ZNF385D: variants seen among roughly 807,000 people sequenced by gnomAD.
ZNF385D encodes zinc finger protein 659.
A neutral mutation model predicts 35.8 loss-of-function variants in ZNF385D; 15 were observed. The observed-to-expected ratio is 0.42, with a 90% CI of 0.28 to 0.64. The LOEUF is 0.64. Ranked by LOEUF, ZNF385D falls within the 30% of genes least tolerant of loss-of-function variation. The probability of loss-of-function intolerance (pLI) is 0.23; values close to 1 mark genes in which losing one functional copy is unlikely to be tolerated. For synonymous variants in ZNF385D, 212 were observed against 186.8 expected, an observed-to-expected ratio of 1.13 and a Z score of -1.10; for missense variants, 474 against 494.6, an observed-to-expected ratio of 0.96 and a Z score of 0.39.
At chr3:22,316,758 C>A (rs1703910625) in intron 2 of ZNF385D, among the ~76,000 whole-genome samples, 1 of 152,136 alleles carries the variant, frequency 6.6e-6, no homozygotes, top group South Asian at 2.1e-4. Flanking sequence ...GCTACCAAGT[C>A]AGCTTTTAGT....
intron 2 of ZNF385D, among the ~76,000 whole-genome samples, chr3:22,372,181 T>G (rs1696940755): frequency 6.6e-6 from 1 of 151,606 alleles, no homozygotes; most frequent in Admixed American, 6.6e-5. Flanking sequence ...CCTGAGACCC[T>G]CCAGCTCCGC....
chr3:21,663,628 T>C (rs1177627746), intron 2 of ZNF385D, among the ~76,000 whole-genome samples: 1 of 151,930 alleles, frequency 6.6e-6, no homozygotes, highest in Non-Finnish European at 1.5e-5. Flanking sequence ...ATGAAACACC[T>C]AGGATTAGAA....
intron 3 of ZNF385D, among the ~76,000 whole-genome samples, chr3:22,149,845 G>C (rs1388912173): frequency 6.6e-6 from 1 of 151,286 alleles, no homozygotes; most frequent in African/African-American, 2.4e-5. Context: ...ACTTTTTTTT[G>C]TCTTTGATGT....
intron 3 of ZNF385D, among the ~76,000 whole-genome samples, chr3:22,031,092 C>T (rs530921412): frequency 5.3e-5 from 8 of 152,370 alleles, no homozygotes; most frequent in African/African-American, 1.9e-4. Flanking sequence ...AGCTCTGCCC[C>T]TGTGGCTTTG....
chr3:21,911,141 T>C (rs916770517), intron 3 of ZNF385D, among the ~76,000 whole-genome samples: 3 of 151,870 alleles, frequency 2.0e-5, no homozygotes, highest in South Asian at 2.1e-4. Context: ...AAATGCAAAA[T>C]AGATCTGTAA....
chr3:21,852,930 A>G (rs1374110643), intron 3 of ZNF385D, among the ~76,000 whole-genome samples: 1 of 151,862 alleles, frequency 6.6e-6, no homozygotes, highest in African/African-American at 2.4e-5. Context: ...AATATGTTAA[A>G]CATCCAAGTC....
chr3:22,082,262 G>A (rs542067701), intron 3 of ZNF385D, among the ~76,000 whole-genome samples: 96 of 152,222 alleles, frequency 6.3e-4, no homozygotes, highest in African/African-American at 2.1e-3. Context: ...GCCTCACCCA[G>A]TAAGTGCAAG....
chr3:21,605,799 T>G (rs28540086), intron 2 of ZNF385D, among the ~76,000 whole-genome samples: 1 of 152,206 alleles, frequency 6.6e-6, no homozygotes, highest in Non-Finnish European at 1.5e-5. Flanking sequence ...GATGAGGACA[T>G]TGAAAGATTC....
At chr3:21,760,362 G>A (rs879039226) in intron 3 of ZNF385D, among the ~76,000 whole-genome samples, 3 of 152,126 alleles carry the variant, frequency 2.0e-5, no homozygotes, top group Admixed American at 2.0e-4. Context: ...CTTTTCATTA[G>A]TTTTGCTGCT....
intron 3 of ZNF385D, among the ~76,000 whole-genome samples, chr3:21,997,578 T>C (rs539060713): frequency 6.6e-6 from 1 of 151,764 alleles, no homozygotes; most frequent in South Asian, 2.1e-4. Flanking sequence ...CAGTATAATA[T>C]GGAGAGGAAG....
At position 21,465,580 on chromosome 3, in the gene ZNF385D, A is replaced by G. The variant is rs536876845; in HGVS notation, c.440-28377T>C. ...ACAGGGCATAAGCCTGAATTTTCAA[A>G]TACATCCTTCCAGAATGTATTCGAG... On this transcript the variant is annotated intron_variant, in intron 4 of 7. Transcript: ENST00000281523. This position sits in a 1 kb window ranked among gnomAD's most constrained non-coding sequence, Gnocchi z 4.2. Among the ~76,000 whole-genome samples, 24 of 152,338 alleles carry G rather than the reference A, an allele frequency of 1.6e-4. 1 individual carries two copies. Among genetic ancestry groups the G allele is most frequent in the Admixed American group, 1.5e-3 (23 of 15,302 alleles).
chr3:22,237,192 AT>A (rs1449068783), intron 2 of ZNF385D, among the ~76,000 whole-genome samples: 4 of 37,632 alleles, frequency 1.1e-4, no homozygotes, highest in African/African-American at 2.0e-4. Context: ...AATAGTTAAT[AT>A]CCTTTTTTTT....
At chr3:21,917,158 G>T (rs1245942013) in intron 3 of ZNF385D, among the ~76,000 whole-genome samples, 1 of 152,154 alleles carries the variant, frequency 6.6e-6, no homozygotes, top group Non-Finnish European at 1.5e-5. Flanking sequence ...CTGGCCTGGT[G>T]CGGTGGCTCA....
At chr3:21,435,866 T>C (rs1422668832) in intron 5 of ZNF385D, among the ~76,000 whole-genome samples, 4 of 152,194 alleles carry the variant, frequency 2.6e-5, no homozygotes, top group African/African-American at 7.2e-5. Flanking sequence ...TAACGTTATA[T>C]GCTGGAGGAA....
intron 1 of ZNF385D, among the ~76,000 whole-genome samples, chr3:21,681,960 T>C (rs1465754560): frequency 6.6e-6 from 1 of 152,064 alleles, no homozygotes; most frequent in Non-Finnish European, 1.5e-5. Context: ...CAGTGAAAAA[T>C]ATCAGATGAT....
chr3:21,535,633 C>T (rs1387201126), intron 3 of ZNF385D, among the ~76,000 whole-genome samples: 1 of 151,644 alleles, frequency 6.6e-6, no homozygotes, highest in East Asian at 1.9e-4. Context: ...AATATATCCA[C>T]TTAGCAATTT....
At position 22,021,727 on chromosome 3, in the gene ZNF385D, G is replaced by A. The variant is rs535454093; in HGVS notation, c.325+147090C>T. 1.1e-4 allele frequency among the ~76,000 whole-genome samples: 17 copies of A among 152,172 alleles called. 1 individual carries two copies. Among genetic ancestry groups the A allele is most frequent in the South Asian group, 6.2e-4 (3 of 4,824 alleles). On this transcript the variant is annotated intron_variant, in intron 3 of 5. Transcript: ENST00000494108. ...TGATGAAAACTGGCTTAGGAATGAG[G>A]AAAGCCTGGTTCTTTCCAAGCATTT...
At chr3:21,425,878 C>T (rs953343145) in intron 5 of ZNF385D, among the ~76,000 whole-genome samples, 3 of 152,156 alleles carry the variant, frequency 2.0e-5, no homozygotes, top group African/African-American at 7.2e-5. Flanking sequence ...TAACAATGTG[C>T]TTTCATCACT....
intron 2 of ZNF385D, among the ~76,000 whole-genome samples, chr3:21,604,085 T>A (rs1185150368): frequency 6.6e-6 from 1 of 152,200 alleles, no homozygotes; most frequent in African/African-American, 2.4e-5. Context: ...GTAAGCCTCC[T>A]GAATCCTGAA....
Sources: gnomAD v4.1 joint callset for allele counts (sites outside exome capture counted in the v4.1 genomes callset) on GRCh38, gnomAD v4.1.1 for gene constraint, Gnocchi (gnomAD v3.1) non-coding constraint, MANE v1.5 for transcripts, NCBI Gene and HGNC (gene_info 2026-07-23, HGNC 2026-07-21) for gene names.